Variants in GRIK2 observed in about 807,000 individuals in gnomAD.
GRIK2 encodes the protein glutamate receptor ionotropic, kainate 2.
Under a neutral mutation model 100.3 loss-of-function variants are expected in GRIK2, and 32 were observed. The ratio of observed to expected loss-of-function variants is 0.32; its 90% CI spans 0.24 to 0.43. The LOEUF is 0.43. GRIK2 is among the 20% of genes least tolerant of loss of function. The pLI is 1.00. For missense variants in GRIK2, 843 were observed against 1,114.9 expected (o/e 0.76, Z 3.47); for synonymous variants, 417 against 389.4 (o/e 1.07, Z -0.83).
intron 11 of GRIK2, among the ~76,000 whole-genome samples, chr6:101,882,328 A>G (rs1044988844): frequency 2.6e-5 from 4 of 152,116 alleles, no homozygotes; most frequent in Non-Finnish European, 5.9e-5. Flanking sequence ...GCACAACAAA[A>G]TCAGATTTGG....
chr6:101,465,198 G>A (rs942489627), intron 2 of GRIK2, among the ~76,000 whole-genome samples: 4 of 152,050 alleles, frequency 2.6e-5, no homozygotes, highest in African/African-American at 9.7e-5. Flanking sequence ...TGAAGTCTGA[G>A]CTTTTAGTCT....
intron 2 of GRIK2, among the ~76,000 whole-genome samples, chr6:101,546,212 A>G (rs938893774): frequency 1.3e-5 from 2 of 152,150 alleles, no homozygotes; most frequent in African/African-American, 4.8e-5. Flanking sequence ...TGGACTAAAC[A>G]TCTTTATTAT....
chr6:101,535,438 T>C (rs1437152225), intron 2 of GRIK2, among the ~76,000 whole-genome samples: 1 of 151,832 alleles, frequency 6.6e-6, no homozygotes, highest in East Asian at 1.9e-4. Flanking sequence ...GATAACTTTT[T>C]GTTTTCAATG....
At chr6:101,757,080 G>T (rs899338849) in intron 7 of GRIK2, among the ~76,000 whole-genome samples, 1 of 152,030 alleles carries the variant, frequency 6.6e-6, no homozygotes, top group Non-Finnish European at 1.5e-5. Flanking sequence ...CTTTAAATGG[G>T]ACATATATGG....
chr6:101,448,470 A>G (rs980198780), intron 2 of GRIK2, among the ~76,000 whole-genome samples: 9 of 151,596 alleles, frequency 5.9e-5, no homozygotes, highest in African/African-American at 2.2e-4. Flanking sequence ...GTTAGTGGGC[A>G]GTAAAGCGAT....
intron 2 of GRIK2, among the ~76,000 whole-genome samples, chr6:101,523,222 C>T (rs1285886866): frequency 2.0e-5 from 3 of 152,124 alleles, no homozygotes; most frequent in African/African-American, 7.2e-5. Flanking sequence ...AATAATTTTT[C>T]CATGATATTT....
intron 2 of GRIK2, among the ~76,000 whole-genome samples, chr6:101,543,666 A>G (rs1227497222): frequency 6.6e-6 from 1 of 152,182 alleles, no homozygotes; most frequent in Non-Finnish European, 1.5e-5. Context: ...GTGTGGCCTT[A>G]GGCAAGTTAT....
At chr6:101,653,544 A>AT (rs1398951088) in intron 4 of GRIK2, among the ~76,000 whole-genome samples, 8 of 151,962 alleles carry the variant, frequency 5.3e-5, no homozygotes, top group Non-Finnish European at 8.8e-5. Flanking sequence ...CTGCCTGAGT[A>AT]TTTTTCTACT....
intron 14 of GRIK2, among the ~76,000 whole-genome samples, chr6:101,934,887 T>C (rs997622408): frequency 6.6e-6 from 1 of 152,010 alleles, no homozygotes; most frequent in African/African-American, 2.4e-5. Context: ...ATTTTGAAAG[T>C]TCCACTTTGC....
chr6:101,963,252 C>A, intron 14 of GRIK2, among the ~76,000 whole-genome samples: 1 of 94,752 alleles, frequency 1.1e-5, no homozygotes, highest in African/African-American at 3.8e-5. Context: ...TTATAAGAAT[C>A]TATTTCATAT....
intron 15 of GRIK2, among the ~76,000 whole-genome samples, chr6:102,038,584 G>T (rs1221216629): frequency 6.6e-6 from 1 of 151,306 alleles, no homozygotes. Context: ...GAAGCATACT[G>T]AAAATGATAA....
At chr6:101,704,376 G>T (rs190574611) in intron 7 of GRIK2, among the ~76,000 whole-genome samples, 88 of 151,718 alleles carry the variant, frequency 5.8e-4, no homozygotes, top group Non-Finnish European at 9.7e-4. Flanking sequence ...GTGGAATAGG[G>T]TCATTTGAGT....
At chr6:101,397,845 G>A (rs1775074135) in intron 1 of GRIK2, among the ~76,000 whole-genome samples, 2 of 151,900 alleles carry the variant, frequency 1.3e-5, no homozygotes, top group African/African-American at 2.4e-5. Context: ...TTTGCCTTTT[G>A]TGATGTTTAA....
At chr6:101,974,688 A>C (rs1793260979) in intron 14 of GRIK2, among the ~76,000 whole-genome samples, 1 of 151,914 alleles carries the variant, frequency 6.6e-6, no homozygotes, top group South Asian at 2.1e-4. Flanking sequence ...ATCAAGGACA[A>C]TCTCCTTTAC....
At chr6:101,873,350 G>GT (rs1554278168) in intron 11 of GRIK2, among the ~76,000 whole-genome samples, 2 of 149,714 alleles carry the variant, frequency 1.3e-5, no homozygotes, top group South Asian at 2.1e-4. Flanking sequence ...GTGGTGTTTG[G>GT]TTTTTTGTCC....
At chr6:101,610,776 G>A (rs573482741) in intron 2 of GRIK2, among the ~76,000 whole-genome samples, 14 of 151,790 alleles carry the variant, frequency 9.2e-5, no homozygotes, top group Non-Finnish European at 1.8e-4. Context: ...TCATTTGGTT[G>A]ACCTATTTTC....
At chr6:101,440,141 G>T (rs1769961245) in intron 2 of GRIK2, among the ~76,000 whole-genome samples, 1 of 151,790 alleles carries the variant, frequency 6.6e-6, no homozygotes, top group Non-Finnish European at 1.5e-5. Context: ...AAAATGATGG[G>T]GTATCAAAGA....
intron 4 of GRIK2, among the ~76,000 whole-genome samples, chr6:101,671,525 A>G (rs1770432469): frequency 6.6e-6 from 1 of 152,092 alleles, no homozygotes; most frequent in Non-Finnish European, 1.5e-5. Flanking sequence ...ATGTCCTGTA[A>G]CGTCTGGAAC....
intron 10 of GRIK2, among the ~76,000 whole-genome samples, chr6:101,851,347 C>A (rs1237032330): frequency 1.3e-5 from 2 of 151,978 alleles, no homozygotes; most frequent in Non-Finnish European, 2.9e-5. Context: ...GCTGTTTTCA[C>A]TTATTGCACA....
Sources: allele counts gnomAD v4.1 joint callset (sites outside exome capture counted in the v4.1 genomes callset), GRCh38; gene constraint gnomAD v4.1.1; transcripts MANE v1.5; gene names NCBI Gene and HGNC (gene_info 2026-07-23, HGNC 2026-07-21).